CALN1: variants seen among roughly 807,000 people sequenced by gnomAD.
The protein encoded by CALN1 is calneuron 1, also known as calcium-binding protein 8.
In CALN1, 17 loss-of-function variants were observed where a neutral mutation model predicts 30.6. The observed-to-expected ratio is 0.56, with a 90% CI of 0.38 to 0.83. The LOEUF (loss-of-function observed/expected upper bound fraction) is 0.83. Ranked by LOEUF, CALN1 falls within the 40% of genes least tolerant of loss-of-function variation. CALN1 has a pLI of 0.00. For synonymous variants in CALN1, 156 were observed against 131.4 expected (o/e 1.19, Z -1.28); for missense variants, 291 against 354.9 (o/e 0.82, Z 1.45).
At chr7:72,139,266 C>T (rs1809718281) in intron 3 of CALN1, among the ~76,000 whole-genome samples, 1 of 151,912 alleles carries the variant, frequency 6.6e-6, no homozygotes, top group African/African-American at 2.4e-5. Context: ...CACCTCAGCC[C>T]CATGCCTACC....
At chr7:72,345,100 ATTATG>A (rs1247417845) in intron 2 of CALN1, among the ~76,000 whole-genome samples, 20 of 148,916 alleles carry the variant, frequency 1.3e-4, no homozygotes, top group Admixed American at 1.1e-3. Context: ...ATGTTATATA[ATTATG>A]TTATACGAAA....
intron 5 of CALN1, among the ~76,000 whole-genome samples, chr7:71,861,194 TG>T (rs759774753): frequency 6.6e-6 from 1 of 151,772 alleles, no homozygotes; most frequent in Non-Finnish European, 1.5e-5. Context: ...TGTGTGTGCG[TG>T]TGTGTGTGTT....
chr7:72,449,874 CAAAAAAAAAAAAA>C (rs71069071), upstream of CALN1, among the ~76,000 whole-genome samples: 5,137 of 52,592 alleles, frequency 0.098, 395 homozygotes, highest in African/African-American at 0.23. Flanking sequence ...GACTCCGTCT[CAAAAAAAAAAAAA>C]AAAAAAAAAA....
chr7:71,977,949 A>C (rs1203891349), intron 5 of CALN1, among the ~76,000 whole-genome samples: 1 of 151,476 alleles, frequency 6.6e-6, no homozygotes, highest in Admixed American at 6.6e-5. Context: ...AAAAAAAAAA[A>C]AAGCAATGCA....
intron 2 of CALN1, among the ~76,000 whole-genome samples, chr7:72,359,481 T>C (rs934976246): frequency 6.6e-6 from 1 of 152,216 alleles, no homozygotes; most frequent in Admixed American, 6.5e-5. Flanking sequence ...ACCTTTCTTT[T>C]TCACTTGACA....
At chr7:72,171,924 A>C (rs1221429563) in intron 3 of CALN1, among the ~76,000 whole-genome samples, 1 of 152,194 alleles carries the variant, frequency 6.6e-6, no homozygotes, top group Non-Finnish European at 1.5e-5. Context: ...AAAGGCAAAG[A>C]AACTGGGGTC....
At chr7:72,221,378 C>T (rs1157381044) in intron 3 of CALN1, among the ~76,000 whole-genome samples, 2 of 130,434 alleles carry the variant, frequency 1.5e-5, no homozygotes, top group East Asian at 2.4e-4. Context: ...AGTGCAGTGG[C>T]GTGATTTTGG....
chr7:72,173,880 G>C (rs62462853), intron 3 of CALN1, among the ~76,000 whole-genome samples: 38,325 of 151,738 alleles, frequency 0.25, 5,840 homozygotes, highest in Non-Finnish European at 0.35. Flanking sequence ...ATGAAATAAA[G>C]ATTATCTAGA....
At chr7:72,184,419 T>C (rs79736770) in intron 3 of CALN1, among the ~76,000 whole-genome samples, 143 of 152,330 alleles carry the variant, frequency 9.4e-4, no homozygotes, top group Admixed American at 2.2e-3. Context: ...CACGAATTTG[T>C]ATTTTCATAT....
chr7:72,316,163 G>GAAAAA (rs58358512), intron 2 of CALN1, among the ~76,000 whole-genome samples: 1 of 150,382 alleles, frequency 6.6e-6, no homozygotes, highest in African/African-American at 2.4e-5. Flanking sequence ...AAGAAAGAAA[G>GAAAAA]AAAAAAAAGA....
chr7:72,135,693 A>G (rs963294864), intron 3 of CALN1, among the ~76,000 whole-genome samples: 1 of 152,162 alleles, frequency 6.6e-6, no homozygotes, highest in Non-Finnish European at 1.5e-5. Context: ...GATTTGGGGG[A>G]TGGTAAATGA....
intron 5 of CALN1, among the ~76,000 whole-genome samples, chr7:71,966,522 CCT>C (rs1250758164): frequency 1.3e-5 from 2 of 152,100 alleles, no homozygotes; most frequent in African/African-American, 4.8e-5. Context: ...GCACCTCCCT[CCT>C]CTCTCTCTGT....
intron 2 of CALN1, among the ~76,000 whole-genome samples, chr7:72,374,531 C>CAAA (rs200948574): frequency 2.4e-4 from 12 of 50,476 alleles, no homozygotes; most frequent in African/African-American, 8.1e-4. Context: ...ACTCTGTCTC[C>CAAA]AAAAAAAAAA....
chr7:72,213,683 G>A (rs1792573650), intron 3 of CALN1, among the ~76,000 whole-genome samples: 3 of 152,170 alleles, frequency 2.0e-5, no homozygotes, highest in Non-Finnish European at 4.4e-5. Flanking sequence ...TTGAGTTGGG[G>A]ACAGAGGGGA....
At chr7:72,154,228 T>TAAAAAA (rs11386575) in intron 3 of CALN1, among the ~76,000 whole-genome samples, 1 of 145,284 alleles carries the variant, frequency 6.9e-6, no homozygotes. Context: ...GAAGTAAAAT[T>TAAAAAA]AAAAAAAAAA....
At chr7:72,139,758 C>T (rs1430852703) in intron 3 of CALN1, among the ~76,000 whole-genome samples, 2 of 152,232 alleles carry the variant, frequency 1.3e-5, no homozygotes, top group Admixed American at 1.3e-4. Flanking sequence ...CTCTGCCCCT[C>T]CTTAACCCAC....
chr7:71,830,436 C>T lies in CALN1; in HGVS notation c.502-19944G>A, dbSNP rs191100756. 1.7e-3 allele frequency among the ~76,000 whole-genome samples: 264 copies of T among 152,208 alleles called. 1 individual carries two copies. Among genetic ancestry groups the T allele is most frequent in the African/African-American group, 5.8e-3 (242 of 41,524 alleles). ...GATCTCGGCTCACTGCAACCTCTGC[C>T]GCCCAGGTTCAAGCAATTTTCCTGC... On this transcript the variant is annotated intron_variant, in intron 5 of 6. Transcript: ENST00000395275.
intron 3 of CALN1, among the ~76,000 whole-genome samples, chr7:72,113,106 C>T (rs1807693952): frequency 1.3e-5 from 2 of 152,006 alleles, no homozygotes; most frequent in South Asian, 2.1e-4. Flanking sequence ...TGTTTTTTCC[C>T]CAAAATCTCA....
chr7:71,970,832 C>A (rs538532957), intron 5 of CALN1, among the ~76,000 whole-genome samples: 4 of 152,260 alleles, frequency 2.6e-5, no homozygotes, highest in South Asian at 4.2e-4. Flanking sequence ...TGCCAAATGG[C>A]AAGACCTACA....
Sources: allele counts gnomAD v4.1 joint callset (sites outside exome capture counted in the v4.1 genomes callset), GRCh38; gene constraint gnomAD v4.1.1; transcripts MANE v1.5; gene names NCBI Gene and HGNC (gene_info 2026-07-23, HGNC 2026-07-21).